The following SLIT3 variants were observed in gnomAD, a reference collection of about 807,000 sequenced individuals.
SLIT3 encodes slit homolog 3 protein.
Under a neutral mutation model 184.0 loss-of-function variants are expected in SLIT3, and 68 were observed. The ratio of observed to expected loss-of-function variants is 0.37; its 90% CI spans 0.30 to 0.45. The LOEUF is 0.45. Ranked by LOEUF, SLIT3 falls within the 20% of genes least tolerant of loss-of-function variation. SLIT3 has a pLI of 1.00. For synonymous variants in SLIT3, 831 were observed against 828.6 expected (o/e 1.00, Z -0.05); for missense variants, 1,707 against 2,026.0 (o/e 0.84, Z 3.02).
rs763722560 is a variant in SLIT3 at position 168,673,170 on chromosome 5, G to A, written c.3841+7C>T. 3 of 1,613,592 alleles carry A rather than the reference G, an allele frequency of 1.9e-6. No individual in the cohort carries two copies. On this transcript the variant is annotated splice_region_variant and intron_variant, in intron 33 of 35. Coordinates refer to ENST00000519560, the MANE Select transcript of SLIT3 (RefSeq NM_003062.4). ...GAGGTAGAGGTGGTAGGGAAAGAGG[G>A]CATTACCTCCAAGGTAGAGGGGGCT...
At chr5:168,882,276 C>G (rs1005089209) in intron 5 of SLIT3, among the ~76,000 whole-genome samples, 1 of 152,122 alleles carries the variant, frequency 6.6e-6, no homozygotes, top group African/African-American at 2.4e-5. Context: ...TCTTCCCTAC[C>G]CCTCTCCAAA....
chr5:168,669,816 G>C lies in SLIT3; in HGVS notation c.4303C>G (p.Gln1435Glu). Residue 1435 changes from glutamine (Q) to glutamate (E), a missense_variant, in exon 35 of 36, where the codon CAG becomes GAG. Coordinates refer to ENST00000519560, the MANE Select transcript of SLIT3 (RefSeq NM_003062.4). ...CAGTGCTCGCCGCTAAAGCCGGGCTGGCACAGGCAGTAGGGCTCCCCTTGG... is the reference window on the plus strand; with the variant it reads ...CAGTGCTCGCCGCTAAAGCCGGGCTCGCACAGGCAGTAGGGCTCCCCTTGG... ...SDQGEPYCLC[Q>E]PGFSGEHCQQ... 3 of 1,614,018 alleles carry C rather than the reference G, an allele frequency of 1.9e-6. No individual in the cohort carries two copies. Among genetic ancestry groups the C allele is most frequent in the Non-Finnish European group, 2.5e-6 (3 of 1,180,038 alleles).
rs190034619 is a variant in SLIT3, at chr5:168,851,807, T to C, written c.486-7152A>G. On this transcript the variant is annotated intron_variant, in intron 5 of 35. Coordinates refer to ENST00000519560, the MANE Select transcript of SLIT3 (RefSeq NM_003062.4). ...GACTCAGTTGAAAATAGATTTATTC[T>C]TGGCATTTCATTCCCTCAACCATAT... Among the ~76,000 whole-genome samples the C allele has an allele frequency of 1.7e-3, 259 of 152,328 alleles. 5 individuals are homozygous for C. Among genetic ancestry groups the C allele is most frequent in the South Asian group, 4.6e-3 (22 of 4,820 alleles).
intron 4 of SLIT3, among the ~76,000 whole-genome samples, chr5:169,048,278 C>T (rs769272347): frequency 1.3e-5 from 2 of 152,204 alleles, no homozygotes; most frequent in Non-Finnish European, 2.9e-5. Context: ...ATCATAAGCT[C>T]ATCTACATAG....
chr5:168,794,274 T>G (rs931557247), intron 10 of SLIT3, among the ~76,000 whole-genome samples: 1 of 152,088 alleles, frequency 6.6e-6, no homozygotes, highest in Admixed American at 6.6e-5. Context: ...AAAGAGTAAG[T>G]GGAATGAAAA....
At chr5:169,160,989 C>T (rs1762458427) in intron 4 of SLIT3, among the ~76,000 whole-genome samples, 1 of 152,190 alleles carries the variant, frequency 6.6e-6, no homozygotes, top group Non-Finnish European at 1.5e-5. Flanking sequence ...CATGCGAATC[C>T]CCAGCGGCAT....
chr5:168,790,572 A>T (rs554476046), intron 10 of SLIT3: 1 of 152,242 alleles, frequency 6.6e-6, no homozygotes, highest in South Asian at 2.1e-4. Context: ...GGCCTCTGGG[A>T]TCCTGTCACT....
chr5:168,903,814 T>TTC (rs3063463), intron 4 of SLIT3, among the ~76,000 whole-genome samples: 81,748 of 151,806 alleles, frequency 0.54, 22,177 homozygotes, highest in East Asian at 0.71. Flanking sequence ...GTTCACTGGT[T>TTC]TGAATTATTA....
chr5:169,107,476 T>C (rs1056751664), intron 4 of SLIT3, among the ~76,000 whole-genome samples: 17 of 152,244 alleles, frequency 1.1e-4, no homozygotes, highest in African/African-American at 4.1e-4. Context: ...AAAAAAATTA[T>C]TATTCTAAGC....
chr5:168,875,493 G>A (rs1428185855), intron 5 of SLIT3, among the ~76,000 whole-genome samples: 1 of 152,078 alleles, frequency 6.6e-6, no homozygotes, highest in African/African-American at 2.4e-5. Flanking sequence ...AATTAGCCAG[G>A]TGTGGTGGCA....
intron 4 of SLIT3, among the ~76,000 whole-genome samples, chr5:169,044,595 G>T (rs1360177865): frequency 2.0e-5 from 3 of 148,250 alleles, no homozygotes; most frequent in Admixed American, 6.8e-5. Flanking sequence ...GGTGGGGGGG[G>T]GGATGGGGAG....
chr5:169,179,908 G>C lies in SLIT3; in HGVS notation c.413+13571C>G, dbSNP rs115619470. ...GTGCTAGATGCAGTGGTAGGTAACT[G>C]ACTGTAGAGTCAACAAAACAGATAA... is the stretch of plus-strand genomic sequence containing the variant. On this transcript the variant is annotated intron_variant, in intron 4 of 35. Transcript: ENST00000519560. Among the ~76,000 whole-genome samples, 1,457 of 152,282 alleles carry C rather than the reference G, an allele frequency of 9.6e-3. 10 individuals carry two copies. Among genetic ancestry groups the C allele is most frequent in the Admixed American group, 0.015 (235 of 15,300 alleles).
intron 4 of SLIT3, among the ~76,000 whole-genome samples, chr5:169,113,387 C>T (rs1358604886): frequency 6.6e-6 from 1 of 152,192 alleles, no homozygotes; most frequent in Non-Finnish European, 1.5e-5. Flanking sequence ...CATGTTGTTG[C>T]CTGTGTCCGA....
At chr5:169,117,559 C>T (rs1346176227) in intron 4 of SLIT3, among the ~76,000 whole-genome samples, 1 of 152,194 alleles carries the variant, frequency 6.6e-6, no homozygotes, top group African/African-American at 2.4e-5. Context: ...ATGGCAGAGC[C>T]AAGCTGCTGC....
At chr5:169,212,954 A>G (rs1561742824) in intron 3 of SLIT3, among the ~76,000 whole-genome samples, 1 of 152,182 alleles carries the variant, frequency 6.6e-6, no homozygotes, top group Admixed American at 6.5e-5. Flanking sequence ...AGATGTTTGT[A>G]TATGTGTGGA....
intron 4 of SLIT3, among the ~76,000 whole-genome samples, chr5:169,149,506 C>T (rs971949586): frequency 6.6e-6 from 1 of 152,006 alleles, no homozygotes; most frequent in African/African-American, 2.4e-5. Flanking sequence ...TCCAGAGACC[C>T]CTGGTACACC....
intron 4 of SLIT3, among the ~76,000 whole-genome samples, chr5:168,907,286 G>C (rs561036229): frequency 1.4e-4 from 21 of 152,310 alleles, no homozygotes; most frequent in Admixed American, 1.3e-3. Context: ...GCTTGGAGGG[G>C]TAGTCTCAGC....
intron 4 of SLIT3, among the ~76,000 whole-genome samples, chr5:169,177,885 T>C (rs944425884): frequency 6.6e-6 from 1 of 152,182 alleles, no homozygotes; most frequent in Non-Finnish European, 1.5e-5. Flanking sequence ...AACAGCAGGA[T>C]GGAATCCTTA....
intron 4 of SLIT3, among the ~76,000 whole-genome samples, chr5:169,086,747 T>C (rs188211200): frequency 1.3e-5 from 2 of 152,354 alleles, no homozygotes; most frequent in Middle Eastern, 3.4e-3. Flanking sequence ...CCCTTGACCT[T>C]TGACCCTTAA....
Sources: gnomAD v4.1 joint callset for allele counts (sites outside exome capture counted in the v4.1 genomes callset) on GRCh38, gnomAD v4.1.1 for gene constraint, MANE v1.5 for transcripts, NCBI Gene and HGNC (gene_info 2026-07-23, HGNC 2026-07-21) for gene names.